Variants in KAZN observed in about 807,000 individuals in gnomAD.
The protein encoded by KAZN is kazrin.
A neutral mutation model predicts 87.4 loss-of-function variants in KAZN; 40 were observed. The ratio of observed to expected loss-of-function variants is 0.46; its 90% CI spans 0.36 to 0.60. The LOEUF is 0.60. KAZN is among the 20% of genes least tolerant of loss of function. KAZN has a pLI of 0.00. For missense variants in KAZN, 898 were observed against 1,073.9 expected (o/e 0.84, Z 2.29); for synonymous variants, 466 against 458.3 (o/e 1.02, Z -0.22).
At chr1:14,873,691 T>C (rs772825930) in intron 1 of KAZN, among the ~76,000 whole-genome samples, 3 of 152,204 alleles carry the variant, frequency 2.0e-5, no homozygotes, top group Non-Finnish European at 4.4e-5. Flanking sequence ...ATCTGACATA[T>C]ATTTATGTTG....
At chr1:14,253,029 G>A (rs537123256) in intron 2 of KAZN, among the ~76,000 whole-genome samples, 4 of 150,804 alleles carry the variant, frequency 2.7e-5, no homozygotes, top group Admixed American at 2.6e-4. Context: ...TCTTTCCTTC[G>A]GAAAAAGTTT....
intron 2 of KAZN, among the ~76,000 whole-genome samples, chr1:14,564,339 T>C (rs1359537124): frequency 6.6e-6 from 1 of 152,162 alleles, no homozygotes; most frequent in African/African-American, 2.4e-5. Flanking sequence ...CAGCCTAACA[T>C]AGTGCCTGGA....
intron 1 of KAZN, among the ~76,000 whole-genome samples, chr1:14,854,364 T>C (rs1447395061): frequency 3.3e-5 from 5 of 152,232 alleles, no homozygotes; most frequent in East Asian, 3.8e-4. Flanking sequence ...TTTTAGTTCA[T>C]TTTGTGTTGC....
intron 1 of KAZN, among the ~76,000 whole-genome samples, chr1:14,827,158 T>G (rs2100855748): frequency 6.6e-6 from 1 of 152,298 alleles, no homozygotes; most frequent in East Asian, 1.9e-4. Context: ...AAGGTAACTT[T>G]CTGTCATGCA....
At chr1:14,551,950 A>G (rs1673550452) in intron 2 of KAZN, among the ~76,000 whole-genome samples, 1 of 152,122 alleles carries the variant, frequency 6.6e-6, no homozygotes, top group Non-Finnish European at 1.5e-5. Context: ...GTCAGAGATC[A>G]TTAAAGTCTC....
intron 1 of KAZN, among the ~76,000 whole-genome samples, chr1:14,150,924 G>A (rs1645458504): frequency 6.6e-6 from 1 of 152,034 alleles, no homozygotes; most frequent in South Asian, 2.1e-4. Flanking sequence ...AAAGTCATAG[G>A]TAATAACATC....
At chr1:14,560,094 C>T (rs1012746140) in intron 2 of KAZN, among the ~76,000 whole-genome samples, 1 of 152,182 alleles carries the variant, frequency 6.6e-6, no homozygotes, top group Non-Finnish European at 1.5e-5. Context: ...GTAAAGACAT[C>T]TTTTGTTTTA....
At chr1:14,025,435 T>C (rs1053548113) in intron 1 of KAZN, among the ~76,000 whole-genome samples, 1 of 152,188 alleles carries the variant, frequency 6.6e-6, no homozygotes, top group Non-Finnish European at 1.5e-5. Context: ...GGAGTAGAAA[T>C]GGACCATGTC....
At chr1:14,842,311 G>A (rs956108423) in intron 1 of KAZN, among the ~76,000 whole-genome samples, 6 of 152,152 alleles carry the variant, frequency 3.9e-5, no homozygotes, top group Non-Finnish European at 8.8e-5. Flanking sequence ...TCCCTCTGGT[G>A]GATCCATATC....
At chr1:14,808,453 C>T (rs935436503) in intron 1 of KAZN, among the ~76,000 whole-genome samples, 6 of 151,206 alleles carry the variant, frequency 4.0e-5, no homozygotes, top group Non-Finnish European at 8.8e-5. Flanking sequence ...AGTGCCACCA[C>T]GGTCGGCTAA....
intron 1 of KAZN, among the ~76,000 whole-genome samples, chr1:13,954,498 T>A (rs1191544210): frequency 6.6e-6 from 1 of 152,178 alleles, no homozygotes; most frequent in Non-Finnish European, 1.5e-5. Context: ...GCATGCAGAA[T>A]GGATTTTTAT....
chr1:14,977,077 C>T (rs1454624884), intron 2 of KAZN, among the ~76,000 whole-genome samples: 1 of 152,054 alleles, frequency 6.6e-6, no homozygotes, highest in African/African-American at 2.4e-5. Context: ...AACAAACAAA[C>T]AAACAAAAAA....
intron 2 of KAZN, among the ~76,000 whole-genome samples, chr1:14,259,911 A>G (rs1294483966): frequency 6.6e-6 from 1 of 151,924 alleles, no homozygotes; most frequent in Non-Finnish European, 1.5e-5. Context: ...CCCCTTGAAC[A>G]TATAAATGGG....
chr1:15,063,649 A>G (rs2076565), intron 7 of KAZN, 27 bp downstream of exon 7: 432,157 of 1,580,364 alleles, frequency 0.27, 69,443 homozygotes, highest in East Asian at 0.69. Flanking sequence ...TGGCCACTTG[A>G]ACCCTCCCTC....
intron 2 of KAZN, among the ~76,000 whole-genome samples, chr1:14,343,312 A>G (rs923783334): frequency 1.3e-5 from 2 of 152,162 alleles, no homozygotes; most frequent in African/African-American, 4.8e-5. Context: ...GATCAGAAAG[A>G]CGATTTGAGT....
At chr1:13,978,053 G>A (rs1445936640) in intron 1 of KAZN, among the ~76,000 whole-genome samples, 1 of 151,548 alleles carries the variant, frequency 6.6e-6, no homozygotes, top group Non-Finnish European at 1.5e-5. Flanking sequence ...GCGTGAACCT[G>A]GGAGGCGGAG....
In KAZN at chr1:14,682,783, T is replaced by C. The variant is rs183494030; in HGVS notation, c.226+83560T>C. ...TTACCTGTTAATGCTCATGACACTCTAGACCCAGGAGGTCTTTAAATGCAA... is the reference window on the plus strand; with the variant it reads ...TTACCTGTTAATGCTCATGACACTCCAGACCCAGGAGGTCTTTAAATGCAA... On this transcript the variant is annotated intron_variant, in intron 1 of 14. Transcript: ENST00000376030. Among the ~76,000 whole-genome samples, 16 of 152,340 alleles carry C rather than the reference T, an allele frequency of 1.1e-4. No individual in the cohort carries two copies. In the East Asian group the frequency reaches 3.1e-3, roughly 29 times the overall value.
At chr1:14,617,470 G>GGTTA in intron 1 of KAZN, among the ~76,000 whole-genome samples, 1 of 152,074 alleles carries the variant, frequency 6.6e-6, no homozygotes, top group Non-Finnish European at 1.5e-5. Context: ...GCATGAGAGG[G>GGTTA]GTTACCACAA....
At chr1:14,615,742 A>G (rs1033828145) in intron 1 of KAZN, among the ~76,000 whole-genome samples, 2 of 152,152 alleles carry the variant, frequency 1.3e-5, no homozygotes, top group African/African-American at 4.8e-5. Flanking sequence ...AGCCTCCGCA[A>G]CTTGCAAGAG....
Sources: allele counts gnomAD v4.1 joint callset (sites outside exome capture counted in the v4.1 genomes callset), GRCh38; gene constraint gnomAD v4.1.1; transcripts MANE v1.5; gene names NCBI Gene and HGNC (gene_info 2026-07-23, HGNC 2026-07-21).